The following PCDHGA10 variants were observed in gnomAD, a reference collection of about 807,000 sequenced individuals.
PCDHGA10 encodes protocadherin gamma-A10.
Under a neutral mutation model 59.5 loss-of-function variants are expected in PCDHGA10, and 42 were observed. The ratio of observed to expected loss-of-function variants is 0.71; its 90% CI spans 0.55 to 0.91. The LOEUF (loss-of-function observed/expected upper bound fraction) is 0.91, where lower values mean the gene tolerates loss of function less well. PCDHGA10 is among the 40% of genes least tolerant of loss of function. PCDHGA10 has a pLI of 0.00. For missense variants in PCDHGA10, 1,111 were observed against 1,198.2 expected (o/e 0.93, Z 1.07); for synonymous variants, 511 against 517.2 (o/e 0.99, Z 0.16).
chr5:141,431,609 G>A lies in PCDHGA10; in HGVS notation c.2436+15998G>A. The A allele has an allele frequency of 6.2e-7, 1 of 1,614,232 alleles. No homozygotes were observed. The highest frequency in any genetic ancestry group is 8.5e-7 in the Non-Finnish European group (1 of 1,180,046). On this transcript the variant is annotated intron_variant, in intron 1 of 3. Coordinates refer to ENST00000398610, the MANE Select transcript of PCDHGA10 (RefSeq NM_018913.3). The surrounding 1 kb of genome is among the most constrained non-coding windows in gnomAD (Gnocchi z 4.8). ...GGAAGTGAGGTATTCCTTCCGGTAT[G>A]TGGACGACAAGGCGGCCCAAGTTTT...
Position 141,485,549 on chromosome 5 carries a change from G to A in PCDHGA10, c.2437-9258G>A. 6.2e-7 allele frequency: 1 copy of A among 1,614,030 alleles called. No homozygotes were observed. The highest frequency in any genetic ancestry group is 1.1e-5 in the South Asian group (1 of 91,068). On this transcript the variant is annotated intron_variant, in intron 1 of 3. Transcript: ENST00000398610. The surrounding 1 kb of genome is among the most constrained non-coding windows in gnomAD (Gnocchi z 5.7). ...CCGAGCAGAGGTAGAGATCGTAGATGTGAATGATCACGCCCCCCGTTTTCC... is the reference window on the plus strand; with the variant it reads ...CCGAGCAGAGGTAGAGATCGTAGATATGAATGATCACGCCCCCCGTTTTCC...
chr5:141,494,400 C>A (rs2099754045), intron 1 of PCDHGA10, among the ~76,000 whole-genome samples: 1 of 152,158 alleles, frequency 6.6e-6, no homozygotes, highest in African/African-American at 2.4e-5. Flanking sequence ...TAAATTCATT[C>A]TAGGGCTGGT....
rs1460175237 is a variant in PCDHGA10, at chr5:141,485,185, G to A, written c.2437-9622G>A. ...AGCGGGCGGCAGCAATGCTCCGCAAGGTGAGAAGCTGGACAGAAATCTGGC... is the reference window on the plus strand; with the variant it reads ...AGCGGGCGGCAGCAATGCTCCGCAAAGTGAGAAGCTGGACAGAAATCTGGC... On this transcript the variant is annotated intron_variant, in intron 1 of 3. Transcript: ENST00000398610. This position sits in a 1 kb window ranked among gnomAD's most constrained non-coding sequence, Gnocchi z 5.7. 3.1e-6 allele frequency: 5 copies of A among 1,613,528 alleles called. No individual in the cohort carries two copies. Among genetic ancestry groups the A allele is most frequent in the African/African-American group, 2.7e-5 (2 of 75,052 alleles).
Position 141,432,184 on chromosome 5 carries a change from C to T in PCDHGA10, c.2436+16573C>T, listed in dbSNP as rs774512372. 3.7e-6 allele frequency: 6 copies of T among 1,614,164 alleles called. No homozygotes were observed. The highest frequency in any genetic ancestry group is 2.2e-5 in the South Asian group (2 of 91,080). On this transcript the variant is annotated intron_variant, in intron 1 of 3. Transcript: ENST00000398610. The surrounding 1 kb of genome is among the most constrained non-coding windows in gnomAD (Gnocchi z 6.0). Reference sequence around the variant, plus strand: ...GAGGAGTTTCCCTCGTCTCTGTGACCGCCCACGACCCCGACTGTGAAGAGA... The same window carrying T: ...GAGGAGTTTCCCTCGTCTCTGTGACTGCCCACGACCCCGACTGTGAAGAGA...
chr5:141,423,756 GGGGGTGGGGC>G, intron 1 of PCDHGA10: 1 of 448,620 alleles, frequency 2.2e-6, no homozygotes, highest in Non-Finnish European at 3.0e-6. Context: ...TGTTTGGGGG[GGGGGTGGGGC>G]GGCATATATT....
At position 141,431,321 on chromosome 5, in the gene PCDHGA10, G is replaced by T. The variant is rs112186927; in HGVS notation, c.2436+15710G>T. 1,258 of 1,614,054 alleles carry T rather than the reference G, an allele frequency of 7.8e-4. 11 individuals are homozygous for T. In the African/African-American group the frequency reaches 0.014, roughly 18 times the overall value. Reference sequence around the variant, plus strand: ...CCTCATCGTGCAAAATGGAGCCGACGGTAGTAAGTACCCCGAATTGGTGCT... The same window carrying T: ...CCTCATCGTGCAAAATGGAGCCGACTGTAGTAAGTACCCCGAATTGGTGCT... On this transcript the variant is annotated intron_variant, in intron 1 of 3. Transcript: ENST00000398610. This position sits in a 1 kb window ranked among gnomAD's most constrained non-coding sequence, Gnocchi z 4.8.
At position 141,454,796 on chromosome 5, in the gene PCDHGA10, A is replaced by ATTTTT. The variant is rs61612330; in HGVS notation, c.2436+39210_2436+39214dup. ...AAGGAAATAATCCTCCATGGTTCTA[A>ATTTTT]TTTTTTTTTTTTTTTTTTTTTTTTT... On this transcript the variant is annotated intron_variant, in intron 1 of 3. Coordinates refer to ENST00000398610, the MANE Select transcript of PCDHGA10 (RefSeq NM_018913.3). 4.5e-3 allele frequency among the ~76,000 whole-genome samples: 350 copies of ATTTTT among 77,444 alleles called. 39 individuals are homozygous for ATTTTT. The highest frequency in any genetic ancestry group is 0.016 in the African/African-American group (266 of 16,872). The allele number at this position is 77,444 out of a possible 152,430, so 50.8% of individuals were successfully genotyped here.
At chr5:141,449,148 T>C (rs570694341) in intron 1 of PCDHGA10, among the ~76,000 whole-genome samples, 20 of 152,268 alleles carry the variant, frequency 1.3e-4, no homozygotes, top group African/African-American at 4.8e-4. Flanking sequence ...AATTGCTGGG[T>C]CAAAGAGGAA....
intron 1 of PCDHGA10, among the ~76,000 whole-genome samples, chr5:141,448,434 G>A (rs2098588755): frequency 1.3e-5 from 2 of 152,052 alleles, no homozygotes; most frequent in Non-Finnish European, 2.9e-5. Context: ...TATATATTGA[G>A]AAGTCTGACT....
intron 1 of PCDHGA10, among the ~76,000 whole-genome samples, chr5:141,460,646 C>T (rs1001365023): frequency 2.0e-5 from 3 of 151,954 alleles, no homozygotes; most frequent in African/African-American, 7.3e-5. Context: ...ACTGTGTTTA[C>T]ACATATGTAA....
At chr5:141,424,720 G>A (rs530298674) in intron 1 of PCDHGA10, 4 of 152,090 alleles carry the variant, frequency 2.6e-5, no homozygotes, top group Non-Finnish European at 4.4e-5. Flanking sequence ...GTGTAGTTGG[G>A]AGTCATAGAT....
intron 1 of PCDHGA10, among the ~76,000 whole-genome samples, chr5:141,444,014 T>C (rs2098414038): frequency 6.6e-6 from 1 of 152,122 alleles, no homozygotes; most frequent in Admixed American, 6.6e-5. Flanking sequence ...GGGTATTGGC[T>C]TCTAAAAGGA....
At chr5:141,433,111 C>T (rs2097569323) in intron 1 of PCDHGA10, 1 of 1,613,966 alleles carries the variant, frequency 6.2e-7, no homozygotes, top group African/African-American at 1.3e-5. Context: ...GCCAGGAGAG[C>T]TTTGAAAAAA....
intron 1 of PCDHGA10, among the ~76,000 whole-genome samples, chr5:141,445,953 T>C (rs550111391): frequency 2.0e-4 from 31 of 152,308 alleles, no homozygotes; most frequent in Middle Eastern, 3.4e-3. Flanking sequence ...CTCTGGCTGC[T>C]ATATGGAGAA....
At chr5:141,454,123 C>CT (rs1273558932) in intron 1 of PCDHGA10, among the ~76,000 whole-genome samples, 5 of 152,194 alleles carry the variant, frequency 3.3e-5, no homozygotes, top group Non-Finnish European at 7.3e-5. Flanking sequence ...GAAGAAATAG[C>CT]TGACCATGGG....
intron 1 of PCDHGA10, among the ~76,000 whole-genome samples, chr5:141,484,358 G>A (rs2099595185): frequency 6.6e-6 from 1 of 152,160 alleles, no homozygotes; most frequent in South Asian, 2.1e-4. Flanking sequence ...AGTGTATCTA[G>A]TGTATCACTA....
At chr5:141,438,571 TATACATACATAC>T (rs1212381177) in intron 1 of PCDHGA10, among the ~76,000 whole-genome samples, 4 of 94,544 alleles carry the variant, frequency 4.2e-5, no homozygotes, top group African/African-American at 9.7e-5. Context: ...AGCTGTCTGA[TATACATACATAC>T]ATACATACAT....
chr5:141,421,424 G>T lies in PCDHGA10; in HGVS notation c.2436+5813G>T, dbSNP rs369037131. 2.2e-5 allele frequency: 35 copies of T among 1,613,974 alleles called. No individual in the cohort carries two copies. The African/African-American group carries it at 3.9e-4, about 18-fold the overall frequency. ...CGGGAGCTGGCGAAGCGCGGAGTCC[G>T]CATCGTCTCCAGAGGGAAGACACAG... is the stretch of plus-strand genomic sequence containing the variant. On this transcript the variant is annotated intron_variant, in intron 1 of 3. Transcript: ENST00000398610.
Position 141,490,943 on chromosome 5 carries a change from G to A in PCDHGA10, c.2437-3864G>A, listed in dbSNP as rs1035375216. The A allele has an allele frequency of 6.8e-6, 11 of 1,613,470 alleles. No homozygotes were observed. The East Asian group carries it at 1.1e-4, about 16-fold the overall frequency. On this transcript the variant is annotated intron_variant, in intron 1 of 3. Coordinates refer to ENST00000398610, the MANE Select transcript of PCDHGA10 (RefSeq NM_018913.3). This position sits in a 1 kb window ranked among gnomAD's most constrained non-coding sequence, Gnocchi z 5.4. Reference sequence around the variant, plus strand: ...AATGCCCCAGCTGTGCTGCACCCACGGCCAGACTGGGAACACTCAGCCCCC... The same window carrying A: ...AATGCCCCAGCTGTGCTGCACCCACAGCCAGACTGGGAACACTCAGCCCCC...
Sources: gnomAD v4.1 joint callset for allele counts (sites outside exome capture counted in the v4.1 genomes callset) on GRCh38, gnomAD v4.1.1 for gene constraint, Gnocchi (gnomAD v3.1) non-coding constraint, MANE v1.5 for transcripts, NCBI Gene and HGNC (gene_info 2026-07-23, HGNC 2026-07-21) for gene names.